Variants in RALYL observed in about 807,000 individuals in gnomAD.
RALYL encodes RNA-binding Raly-like protein.
In RALYL, 29 loss-of-function variants were observed where a neutral mutation model predicts 35.1. The observed-to-expected ratio is 0.83, with a 90% CI of 0.61 to 1.13. RALYL has a LOEUF of 1.13. Ranked by LOEUF, RALYL falls within the 50% of genes most tolerant of loss-of-function variation. The pLI is 0.00. For synonymous variants in RALYL, 120 were observed against 127.6 expected, an observed-to-expected ratio of 0.94 and a Z score of 0.40; for missense variants, 359 against 360.4, an observed-to-expected ratio of 1.00 and a Z score of 0.03.
At chr8:84,273,912 A>G (rs561549868) in intron 1 of RALYL, among the ~76,000 whole-genome samples, 1 of 152,318 alleles carries the variant, frequency 6.6e-6, no homozygotes, top group South Asian at 2.1e-4. Context: ...ACTTAGCATC[A>G]ATCTAGATGG....
intron 4 of RALYL, among the ~76,000 whole-genome samples, chr8:84,816,714 A>G (rs967732704): frequency 2.0e-5 from 3 of 152,194 alleles, no homozygotes; most frequent in Non-Finnish European, 4.4e-5. Flanking sequence ...CAGGGTGACT[A>G]TAGTCAATAA....
At chr8:84,654,260 T>G (rs1829452020) in intron 2 of RALYL, among the ~76,000 whole-genome samples, 1 of 129,590 alleles carries the variant, frequency 7.7e-6, no homozygotes. Flanking sequence ...TATATGTATA[T>G]CTCATGTTCC....
At chr8:84,848,646 G>A (rs73299296) in intron 4 of RALYL, among the ~76,000 whole-genome samples, 2,230 of 152,190 alleles carry the variant, frequency 0.015, 38 homozygotes, top group African/African-American at 0.051. Context: ...GGCAGGAATG[G>A]GAAGTTATTG....
chr8:84,887,610 A>G lies in RALYL; in HGVS notation c.692A>G (p.Gln231Arg), dbSNP rs771106775. The G allele has an allele frequency of 3.8e-6, 6 of 1,595,600 alleles. No individual in the cohort carries two copies. The Admixed American group carries it at 5.2e-5, about 14-fold the overall frequency. Reference protein sequence around the residue: ...EKQQKAEAEAQKKQLEESLVL... With the variant: ...EKQQKAEAEARKKQLEESLVL... ...TGCTTTCTCCCCCCCCCAGAAGCTC[A>G]GAAGAAGCAATTGGAAGAGAGTCTA... is the stretch of plus-strand genomic sequence containing the variant. The change falls in exon 8 of 9, where the codon CAG becomes CGG. Residue 231 changes from glutamine (Q) to arginine (R), a missense_variant. Transcript: ENST00000521268.
intron 1 of RALYL, among the ~76,000 whole-genome samples, chr8:84,395,133 G>T (rs1208513713): frequency 6.6e-6 from 1 of 151,690 alleles, no homozygotes; most frequent in Non-Finnish European, 1.5e-5. Context: ...ATTATCATAA[G>T]ATCACTTTTT....
chr8:84,840,322 G>A (rs1446310923), intron 4 of RALYL, among the ~76,000 whole-genome samples: 1 of 152,150 alleles, frequency 6.6e-6, no homozygotes, highest in African/African-American at 2.4e-5. Flanking sequence ...CGTGATGAAT[G>A]GACAAGCCTC....
intron 4 of RALYL, among the ~76,000 whole-genome samples, chr8:84,820,764 TCATTGGAA>T (rs1278196785): frequency 6.6e-6 from 1 of 152,082 alleles, no homozygotes; most frequent in African/African-American, 2.4e-5. Flanking sequence ...CCGTGTGTTC[TCATTGGAA>T]CATGAGTTTT....
chr8:84,537,860 T>C (rs1350478749), intron 2 of RALYL, among the ~76,000 whole-genome samples: 2 of 152,234 alleles, frequency 1.3e-5, no homozygotes, highest in Non-Finnish European at 2.9e-5. Context: ...CAGAAATTTC[T>C]TCCAATATTG....
intron 2 of RALYL, among the ~76,000 whole-genome samples, chr8:84,683,309 G>A (rs971747719): frequency 8.5e-5 from 13 of 152,144 alleles, no homozygotes; most frequent in Non-Finnish European, 1.8e-4. Context: ...TGAAAAGAAT[G>A]TATATTCTGT....
chr8:84,625,728 T>C (rs1822573254), intron 2 of RALYL, among the ~76,000 whole-genome samples: 1 of 152,176 alleles, frequency 6.6e-6, no homozygotes, highest in South Asian at 2.1e-4. Context: ...AATCAAAGAT[T>C]CTGTTACACC....
At chr8:84,557,309 A>G (rs1273734429) in intron 2 of RALYL, among the ~76,000 whole-genome samples, 1 of 152,216 alleles carries the variant, frequency 6.6e-6, no homozygotes, top group Non-Finnish European at 1.5e-5. Context: ...GTATGTAAGC[A>G]ATGCCTTACT....
intron 3 of RALYL, among the ~76,000 whole-genome samples, chr8:84,779,233 G>T (rs1361632709): frequency 6.6e-6 from 1 of 152,182 alleles, no homozygotes; most frequent in Non-Finnish European, 1.5e-5. Context: ...TTTCCAGCAT[G>T]CCAACTTTCA....
intron 1 of RALYL, among the ~76,000 whole-genome samples, chr8:84,301,096 C>T (rs1175898004): frequency 1.3e-5 from 2 of 151,974 alleles, no homozygotes; most frequent in Non-Finnish European, 2.9e-5. Context: ...ATTTCCTTAG[C>T]ATTTGCTTTT....
chr8:84,213,470 TAA>T (rs199871129), intron 1 of RALYL, among the ~76,000 whole-genome samples: 2 of 152,218 alleles, frequency 1.3e-5, no homozygotes, highest in African/African-American at 4.8e-5. Context: ...CTGCAAATAG[TAA>T]AAGTTTGTTT....
intron 1 of RALYL, among the ~76,000 whole-genome samples, chr8:84,424,094 C>T (rs1485347452): frequency 6.6e-6 from 1 of 151,828 alleles, no homozygotes; most frequent in Non-Finnish European, 1.5e-5. Context: ...TGAACATTGG[C>T]CTGCCTTGCT....
chr8:84,841,969 T>C (rs1201654808), intron 4 of RALYL, among the ~76,000 whole-genome samples: 2 of 152,112 alleles, frequency 1.3e-5, no homozygotes, highest in Non-Finnish European at 2.9e-5. Flanking sequence ...TTCAAAGCAG[T>C]GTGTAGAGGG....
At chr8:84,184,874 C>A (rs1812095285) in intron 1 of RALYL, 2 of 1,160,926 alleles carry the variant, frequency 1.7e-6, no homozygotes, top group African/African-American at 1.5e-5. Context: ...GGGGTAGAAG[C>A]GGCAGAGACC....
intron 4 of RALYL, among the ~76,000 whole-genome samples, chr8:84,833,804 C>G (rs1178741960): frequency 6.6e-6 from 1 of 151,824 alleles, no homozygotes. Flanking sequence ...CCTTGGTTCT[C>G]TCATATATAA....
intron 2 of RALYL, among the ~76,000 whole-genome samples, chr8:84,588,903 T>C (rs1436468768): frequency 1.5e-5 from 2 of 137,366 alleles, no homozygotes; most frequent in Non-Finnish European, 3.1e-5. Flanking sequence ...AACATAGGAC[T>C]TGTTTTTTTT....
Sources: gnomAD v4.1 joint callset for allele counts (sites outside exome capture counted in the v4.1 genomes callset) on GRCh38, gnomAD v4.1.1 for gene constraint, MANE v1.5 for transcripts, NCBI Gene and HGNC (gene_info 2026-07-23, HGNC 2026-07-21) for gene names.